Variants in SEC24B observed in about 807,000 individuals in gnomAD.
SEC24B encodes protein transport protein Sec24B.
In SEC24B, 45 loss-of-function variants were observed where a neutral mutation model predicts 142.8. The observed-to-expected ratio is 0.32, with a 90% CI of 0.25 to 0.40. The LOEUF (loss-of-function observed/expected upper bound fraction) is 0.40, where lower values mean the gene tolerates loss of function less well. Ranked by LOEUF, SEC24B falls within the 10% of genes least tolerant of loss-of-function variation. The pLI, the probability that SEC24B is intolerant of heterozygous loss-of-function variation, is 1.00. For missense variants in SEC24B, 1,409 were observed against 1,526.8 expected, an observed-to-expected ratio of 0.92 and a Z score of 1.29; for synonymous variants, 574 against 568.2, an observed-to-expected ratio of 1.01 and a Z score of -0.15.
At chr4:109,512,325 C>T (rs1737426747) in intron 9 of SEC24B, among the ~76,000 whole-genome samples, 3 of 152,170 alleles carry the variant, frequency 2.0e-5, no homozygotes, top group Admixed American at 2.0e-4. Context: ...CAGTGACACT[C>T]ATGCAGGTGA....
At position 109,513,864 on chromosome 4, in the gene SEC24B, T is replaced by C. The variant is rs749756320; in HGVS notation, c.2013+8T>C. On this transcript the variant is annotated splice_region_variant and intron_variant, in intron 10 of 23. Coordinates refer to ENST00000265175, the MANE Select transcript of SEC24B (RefSeq NM_006323.5). Reference sequence around the variant, plus strand: ...GCTTCTTCAGATTACATGGTAACTATTCAGTGTTAAGATTTGTTATGGAAC... The same window carrying C: ...GCTTCTTCAGATTACATGGTAACTACTCAGTGTTAAGATTTGTTATGGAAC... 6.5e-7 allele frequency: 1 copy of C among 1,534,316 alleles called. No homozygotes were observed. Among genetic ancestry groups the C allele is most frequent in the Admixed American group, 1.7e-5 (1 of 59,894 alleles).
chr4:109,518,671 C>G (rs1165830501), intron 11 of SEC24B, among the ~76,000 whole-genome samples: 2 of 152,122 alleles, frequency 1.3e-5, no homozygotes, highest in Admixed American at 1.3e-4. Flanking sequence ...TGTTTTAATC[C>G]TTGAAGTATT....
chr4:109,492,224 T>G (rs1221896992), intron 5 of SEC24B, among the ~76,000 whole-genome samples: 1 of 152,022 alleles, frequency 6.6e-6, no homozygotes, highest in Non-Finnish European at 1.5e-5. Flanking sequence ...TCTTTTCAGC[T>G]CAGTATGGAA....
chr4:109,471,946 G>A (rs1452224337), intron 2 of SEC24B, among the ~76,000 whole-genome samples: 3 of 152,152 alleles, frequency 2.0e-5, no homozygotes, highest in Non-Finnish European at 4.4e-5. Context: ...TTGATGAAAG[G>A]AACTGTAAAA....
chr4:109,485,697 A>G (rs757694264), intron 4 of SEC24B, among the ~76,000 whole-genome samples: 1 of 152,248 alleles, frequency 6.6e-6, no homozygotes, highest in Admixed American at 6.5e-5. Context: ...AACCTTGCCC[A>G]GTTACAATAA....
At chr4:109,436,632 C>T (rs897148501) in intron 1 of SEC24B, among the ~76,000 whole-genome samples, 11 of 152,198 alleles carry the variant, frequency 7.2e-5, no homozygotes, top group African/African-American at 2.4e-4. Flanking sequence ...TGAGTTTGTG[C>T]TAATGAGATG....
At chr4:109,531,186 A>C (rs537909103) in intron 19 of SEC24B, among the ~76,000 whole-genome samples, 199 bp from the exon 20 acceptor site, 1 of 152,326 alleles carries the variant, frequency 6.6e-6, no homozygotes, top group East Asian at 1.9e-4. Flanking sequence ...TATTTTTCTC[A>C]TGATGACAGT....
chr4:109,503,521 G>A (rs1441602928), intron 6 of SEC24B, among the ~76,000 whole-genome samples: 1 of 152,010 alleles, frequency 6.6e-6, no homozygotes, highest in African/African-American at 2.4e-5. Context: ...ACTGTGCCCC[G>A]CCTAATTTTT....
intron 4 of SEC24B, among the ~76,000 whole-genome samples, chr4:109,487,048 C>G (rs1734432938): frequency 6.6e-6 from 1 of 151,604 alleles, no homozygotes; most frequent in South Asian, 2.1e-4. Flanking sequence ...GTCTGTAATC[C>G]CAGCTGCTTT....
chr4:109,466,689 C>A (rs868769454), intron 2 of SEC24B, among the ~76,000 whole-genome samples: 1 of 152,152 alleles, frequency 6.6e-6, no homozygotes, highest in Non-Finnish European at 1.5e-5. Flanking sequence ...GGATTACAGG[C>A]GTGAGCCACT....
At chr4:109,474,798 A>G (rs1732926768) in intron 3 of SEC24B, among the ~76,000 whole-genome samples, 1 of 152,184 alleles carries the variant, frequency 6.6e-6, no homozygotes, top group South Asian at 2.1e-4. Flanking sequence ...ATATTTTGTA[A>G]ATGGTTTGCC....
At chr4:109,444,632 A>G (rs1729269394) in intron 1 of SEC24B, among the ~76,000 whole-genome samples, 1 of 152,110 alleles carries the variant, frequency 6.6e-6, no homozygotes, top group South Asian at 2.1e-4. Flanking sequence ...TGAGACAGAT[A>G]TGTCCTGGGG....
At chr4:109,534,494 G>C (rs547224628) in intron 22 of SEC24B, among the ~76,000 whole-genome samples, 1 of 152,000 alleles carries the variant, frequency 6.6e-6, no homozygotes. Context: ...GGCTGAGGCA[G>C]GAGAATGGTG....
intron 2 of SEC24B, among the ~76,000 whole-genome samples, chr4:109,472,394 A>G (rs775697004): frequency 3.3e-5 from 5 of 152,352 alleles, no homozygotes; most frequent in East Asian, 1.9e-4. Flanking sequence ...ACAAAGACCA[A>G]TGATGAGTCA....
At chr4:109,450,387 C>T (rs1306374379) in intron 1 of SEC24B, among the ~76,000 whole-genome samples, 1 of 152,034 alleles carries the variant, frequency 6.6e-6, no homozygotes, top group Admixed American at 6.6e-5. Context: ...CAGCCAGGCG[C>T]GGTGGCTCAC....
rs777701395 is a variant in SEC24B, at chr4:109,510,049, G to C, written c.1714G>C (p.Ala572Pro). The change falls in exon 8 of 24, where the codon GCT becomes CCT. Residue 572 changes from alanine (A) to proline (P), a missense_variant. By Grantham distance (27) the Ala-to-Pro change is conservative (BLOSUM62 -1). Transcript: ENST00000265175. ...TTTGACAAATATTCCACAGACACAG[G>C]CTTTACTGAATAAAGCTAAGCTTCC... ...CTLTNIPQTQ[A>P]LLNKAKLPLG... 1 of 1,609,996 alleles carries C rather than the reference G, an allele frequency of 6.2e-7. No homozygotes were observed. Among genetic ancestry groups the C allele is most frequent in the Non-Finnish European group, 8.5e-7 (1 of 1,178,492 alleles).
chr4:109,496,225 G>C (rs962570259), intron 6 of SEC24B, among the ~76,000 whole-genome samples: 1 of 151,714 alleles, frequency 6.6e-6, no homozygotes, highest in Non-Finnish European at 1.5e-5. Flanking sequence ...CGATTCTCCT[G>C]CCTCAGCCTT....
intron 1 of SEC24B, among the ~76,000 whole-genome samples, chr4:109,435,371 A>T (rs1031919020): frequency 1.3e-5 from 2 of 152,242 alleles, no homozygotes; most frequent in African/African-American, 4.8e-5. Flanking sequence ...TAACCTTAAT[A>T]TAAGTTCTTG....
chr4:109,511,377 T>C (rs1048373571), intron 8 of SEC24B, among the ~76,000 whole-genome samples: 5 of 152,140 alleles, frequency 3.3e-5, no homozygotes, highest in African/African-American at 9.7e-5. Flanking sequence ...CATGTGCAGA[T>C]AGAAAAAAAC....
Sources: allele counts gnomAD v4.1 joint callset (sites outside exome capture counted in the v4.1 genomes callset), GRCh38; gene constraint gnomAD v4.1.1; transcripts MANE v1.5; gene names NCBI Gene and HGNC (gene_info 2026-07-23, HGNC 2026-07-21).